The following MPPED2 variants were observed in gnomAD, a reference collection of about 807,000 sequenced individuals.
The protein encoded by MPPED2 is metallophosphoesterase MPPED2.
MPPED2 carries 5 observed loss-of-function variants against 33.0 expected under a neutral mutation model. The ratio of observed to expected loss-of-function variants is 0.15; its 90% CI spans 0.08 to 0.32. The LOEUF (loss-of-function observed/expected upper bound fraction) is 0.32. MPPED2 is among the 10% of genes least tolerant of loss of function. The pLI, the probability that MPPED2 is intolerant of heterozygous loss-of-function variation, is 1.00. For missense variants in MPPED2, 275 were observed against 372.1 expected (o/e 0.74, Z 2.15); for synonymous variants, 136 against 141.9 (o/e 0.96, Z 0.29).
chr11:30,389,675 T>C (rs1947746787), intron 6 of MPPED2, among the ~76,000 whole-genome samples: 1 of 152,226 alleles, frequency 6.6e-6, no homozygotes, highest in Admixed American at 6.5e-5. Context: ...CTTCTGCTTC[T>C]CTAGAAAATA....
chr11:30,514,209 A>G (rs1953389922), intron 3 of MPPED2, among the ~76,000 whole-genome samples: 1 of 152,180 alleles, frequency 6.6e-6, no homozygotes, highest in African/African-American at 2.4e-5. Context: ...TCCCTTGCCA[A>G]TGACTGGTTT....
chr11:30,458,556 T>C (rs1290463032), intron 4 of MPPED2, among the ~76,000 whole-genome samples: 2 of 152,246 alleles, frequency 1.3e-5, no homozygotes, highest in Non-Finnish European at 2.9e-5. Context: ...CCTTCCATTT[T>C]GGAGGAAAGA....
intron 4 of MPPED2, among the ~76,000 whole-genome samples, chr11:30,463,790 A>T (rs1336781602): frequency 2.6e-5 from 4 of 152,208 alleles, no homozygotes; most frequent in African/African-American, 9.6e-5. Context: ...TTTTCTTAAC[A>T]TAAAATTGCA....
chr11:30,443,815 T>C (rs1345442895), intron 4 of MPPED2, among the ~76,000 whole-genome samples: 3 of 152,220 alleles, frequency 2.0e-5, no homozygotes, highest in Non-Finnish European at 4.4e-5. Flanking sequence ...ACCATACGAA[T>C]GACTGCATAA....
chr11:30,499,430 G>T (rs1952451745), intron 3 of MPPED2, among the ~76,000 whole-genome samples: 1 of 152,150 alleles, frequency 6.6e-6, no homozygotes, highest in Non-Finnish European at 1.5e-5. Flanking sequence ...TCATGTCAGT[G>T]CTCAAAATGT....
chr11:30,527,070 C>T (rs964268329), intron 3 of MPPED2, among the ~76,000 whole-genome samples: 12 of 151,748 alleles, frequency 7.9e-5, no homozygotes, highest in African/African-American at 2.7e-4. Context: ...GGACTACAGG[C>T]GCCCACCACC....
At chr11:30,552,531 A>T (rs1291149821) in intron 2 of MPPED2, among the ~76,000 whole-genome samples, 2 of 152,176 alleles carry the variant, frequency 1.3e-5, no homozygotes, top group Non-Finnish European at 2.9e-5. Context: ...TAAAAATATA[A>T]TTGGAATCAT....
rs934991959 is a variant in MPPED2, at chr11:30,580,233, A to G, written c.128+13T>C. On this transcript the variant is annotated intron_variant, in intron 2 of 6. Coordinates refer to ENST00000358117, the MANE Select transcript of MPPED2 (RefSeq NM_001584.3). ...TGATTGCTAATTTTGTTAAGTTCAT[A>G]AGCGATACTTACATATGTACATGTG... 2.5e-6 allele frequency: 4 copies of G among 1,609,168 alleles called. No homozygotes were observed. The African/African-American group carries it at 4.0e-5, about 16-fold the overall frequency.
intron 2 of MPPED2, among the ~76,000 whole-genome samples, chr11:30,575,415 G>T (rs184848640): frequency 1.7e-4 from 26 of 152,184 alleles, no homozygotes; most frequent in Non-Finnish European, 2.6e-4. Flanking sequence ...CCATATTAAA[G>T]GGTCATTAAA....
chr11:30,460,279 A>G (rs1489452860), intron 4 of MPPED2, among the ~76,000 whole-genome samples: 2 of 152,176 alleles, frequency 1.3e-5, no homozygotes, highest in Non-Finnish European at 2.9e-5. Flanking sequence ...ATATAAGTGC[A>G]GTGTCCAACT....
At chr11:30,407,020 C>T (rs116980545), downstream of MPPED2, among the ~76,000 whole-genome samples, 1 of 152,300 alleles carries the variant, frequency 6.6e-6, no homozygotes, top group Non-Finnish European at 1.5e-5. Flanking sequence ...GGGCATTATT[C>T]TGAGACACAG....
intron 6 of MPPED2, among the ~76,000 whole-genome samples, chr11:30,394,127 G>A (rs1179318530): frequency 6.6e-6 from 1 of 152,180 alleles, no homozygotes; most frequent in Non-Finnish European, 1.5e-5. Context: ...TTACCAAGTA[G>A]TATTCCACTT....
chr11:30,394,997 C>T (rs955918115), intron 6 of MPPED2, among the ~76,000 whole-genome samples: 4 of 152,152 alleles, frequency 2.6e-5, no homozygotes, highest in Non-Finnish European at 5.9e-5. Flanking sequence ...TTTTCAAAAA[C>T]CAATTCGTCA....
At chr11:30,439,124 C>T (rs374724580) in intron 4 of MPPED2, among the ~76,000 whole-genome samples, 18 of 152,168 alleles carry the variant, frequency 1.2e-4, no homozygotes, top group African/African-American at 4.3e-4. Flanking sequence ...AGTCTAGTTA[C>T]GAAGTTTCCT....
chr11:30,459,788 A>G (rs922237802), intron 4 of MPPED2, among the ~76,000 whole-genome samples: 2 of 152,144 alleles, frequency 1.3e-5, no homozygotes, highest in African/African-American at 4.8e-5. Context: ...AGTATCAAAC[A>G]TTTCTTTCTC....
chr11:30,575,421 T>C (rs1956887307), intron 2 of MPPED2, among the ~76,000 whole-genome samples: 1 of 152,192 alleles, frequency 6.6e-6, no homozygotes, highest in South Asian at 2.1e-4. Context: ...TAAAGGGTCA[T>C]TAAACCTATT....
chr11:30,538,337 C>G (rs911097042), intron 2 of MPPED2, among the ~76,000 whole-genome samples: 1 of 152,152 alleles, frequency 6.6e-6, no homozygotes, highest in African/African-American at 2.4e-5. Context: ...GCTTATCAGA[C>G]AGACATCATT....
downstream of MPPED2, among the ~76,000 whole-genome samples, chr11:30,406,399 C>A (rs1190560141): frequency 6.6e-6 from 1 of 152,144 alleles, no homozygotes; most frequent in Non-Finnish European, 1.5e-5. Context: ...CATGGTGATA[C>A]CACTGATCCT....
intron 4 of MPPED2, among the ~76,000 whole-genome samples, chr11:30,490,271 T>C (rs1011225930): frequency 2.6e-5 from 4 of 152,114 alleles, no homozygotes; most frequent in African/African-American, 9.7e-5. Flanking sequence ...GTACGAAGTA[T>C]GTATGAGGCT....
Sources: allele counts gnomAD v4.1 joint callset (sites outside exome capture counted in the v4.1 genomes callset), GRCh38; gene constraint gnomAD v4.1.1; transcripts MANE v1.5; gene names NCBI Gene and HGNC (gene_info 2026-07-23, HGNC 2026-07-21).